GALNTL6: variants seen among roughly 807,000 people sequenced by gnomAD.
The protein encoded by GALNTL6 is polypeptide N-acetylgalactosaminyltransferase like 6.
A neutral mutation model predicts 73.7 loss-of-function variants in GALNTL6; 46 were observed. The ratio of observed to expected loss-of-function variants is 0.62; its 90% CI spans 0.49 to 0.80. GALNTL6 has a LOEUF of 0.80. GALNTL6 is among the 30% of genes least tolerant of loss of function. The probability of loss-of-function intolerance (pLI) is 0.00; values close to 1 mark genes in which losing one functional copy is unlikely to be tolerated. For synonymous variants in GALNTL6, 259 were observed against 263.7 expected, an observed-to-expected ratio of 0.98 and a Z score of 0.17; for missense variants, 604 against 755.0, an observed-to-expected ratio of 0.80 and a Z score of 2.34.
chr4:171,897,551 T>C (rs983340299), intron 2 of GALNTL6, among the ~76,000 whole-genome samples: 1 of 152,052 alleles, frequency 6.6e-6, no homozygotes, highest in Admixed American at 6.5e-5. Flanking sequence ...GGCTGGGCGC[T>C]GTGGCTCGCG....
intron 2 of GALNTL6, among the ~76,000 whole-genome samples, chr4:171,885,133 C>T (rs924098682): frequency 2.7e-4 from 41 of 151,862 alleles, no homozygotes; most frequent in Admixed American, 2.4e-3. Context: ...ATTTGGGGAC[C>T]CTTGTGTATA....
intron 5 of GALNTL6, among the ~76,000 whole-genome samples, chr4:172,639,994 C>A (rs1450761426): frequency 6.6e-6 from 1 of 152,082 alleles, no homozygotes; most frequent in Non-Finnish European, 1.5e-5. Context: ...ACTTTTCCCA[C>A]ATGTTACCAC....
intron 11 of GALNTL6, among the ~76,000 whole-genome samples, chr4:173,016,462 C>A (rs1180976311): frequency 6.6e-6 from 1 of 152,214 alleles, no homozygotes; most frequent in African/African-American, 2.4e-5. Flanking sequence ...CCACTTCTTG[C>A]ATCAGCATAA....
At chr4:172,136,701 T>C (rs1733646588) in intron 2 of GALNTL6, among the ~76,000 whole-genome samples, 1 of 151,794 alleles carries the variant, frequency 6.6e-6, no homozygotes. Context: ...TATGATCATA[T>C]AGAATACTTG....
intron 5 of GALNTL6, among the ~76,000 whole-genome samples, chr4:172,632,315 G>A (rs751413860): frequency 2.6e-5 from 4 of 152,170 alleles, no homozygotes; most frequent in Non-Finnish European, 5.9e-5. Context: ...GGGAACATGT[G>A]GGAAAGTTTG....
chr4:172,238,308 T>C (rs1737309654), intron 3 of GALNTL6, among the ~76,000 whole-genome samples: 1 of 152,184 alleles, frequency 6.6e-6, no homozygotes, highest in South Asian at 2.1e-4. Flanking sequence ...ATTTTAGAGA[T>C]CTTTCACCTC....
At chr4:172,920,724 T>C (rs1025484201) in intron 8 of GALNTL6, among the ~76,000 whole-genome samples, 1 of 152,206 alleles carries the variant, frequency 6.6e-6, no homozygotes, top group African/African-American at 2.4e-5. Flanking sequence ...ATCGTAGCTG[T>C]TATTTTTAAT....
intron 2 of GALNTL6, among the ~76,000 whole-genome samples, chr4:171,865,726 G>A (rs2110886252): frequency 6.6e-6 from 1 of 152,276 alleles, no homozygotes; most frequent in Non-Finnish European, 1.5e-5. Flanking sequence ...AATATTCTCA[G>A]GCTTTTGATG....
intron 5 of GALNTL6, among the ~76,000 whole-genome samples, chr4:172,780,838 C>T (rs1216610701): frequency 6.6e-6 from 1 of 152,154 alleles, no homozygotes; most frequent in Non-Finnish European, 1.5e-5. Context: ...CTGCTGACAC[C>T]TCTGGGCCCT....
At chr4:172,620,853 A>T (rs1351998110) in intron 5 of GALNTL6, among the ~76,000 whole-genome samples, 1 of 152,130 alleles carries the variant, frequency 6.6e-6, no homozygotes, top group Non-Finnish European at 1.5e-5. Flanking sequence ...TATTCCCCTT[A>T]TCTAAAGTCT....
intron 2 of GALNTL6, among the ~76,000 whole-genome samples, chr4:172,187,441 C>T (rs1287919417): frequency 6.6e-6 from 1 of 151,992 alleles, no homozygotes; most frequent in African/African-American, 2.4e-5. Context: ...ATCTAACTAC[C>T]CTCTCGAGAC....
chr4:173,021,197 C>A (rs903803739), intron 11 of GALNTL6, among the ~76,000 whole-genome samples: 1 of 152,312 alleles, frequency 6.6e-6, no homozygotes, highest in Non-Finnish European at 1.5e-5. Flanking sequence ...CCCCTCCCTG[C>A]ATCTCTTTTT....
At chr4:171,917,093 C>G (rs1383456255) in intron 2 of GALNTL6, among the ~76,000 whole-genome samples, 2 of 152,158 alleles carry the variant, frequency 1.3e-5, no homozygotes, top group Admixed American at 1.3e-4. Flanking sequence ...ATTTCTGGCT[C>G]AAACTTCCCA....
intron 2 of GALNTL6, among the ~76,000 whole-genome samples, chr4:172,114,990 T>C (rs1732949223): frequency 6.6e-6 from 1 of 152,108 alleles, no homozygotes; most frequent in Non-Finnish European, 1.5e-5. Flanking sequence ...GCCATTCCCA[T>C]CAACCTGTTT....
chr4:172,588,429 G>C (rs1251786639), intron 5 of GALNTL6, among the ~76,000 whole-genome samples: 1 of 151,174 alleles, frequency 6.6e-6, no homozygotes, highest in East Asian at 1.9e-4. Flanking sequence ...CCCTGTCTCA[G>C]CAAAAAATAC....
At chr4:172,779,615 TCCA>T (rs1739268325) in intron 5 of GALNTL6, among the ~76,000 whole-genome samples, 1 of 152,208 alleles carries the variant, frequency 6.6e-6, no homozygotes, top group African/African-American at 2.4e-5. Flanking sequence ...GTTCTTTGTT[TCCA>T]TCACTGAAGA....
Position 172,050,410 on chromosome 4 carries a change from T to C in GALNTL6, c.139-179246T>C, listed in dbSNP as rs183083341. ...TGTTTGGCCTAAGGTCATATTTAGA[T>C]TTAAAGTTCTTCTGATTTGCAGTTG... is the stretch of plus-strand genomic sequence containing the variant. On this transcript the variant is annotated intron_variant, in intron 2 of 12. Coordinates refer to ENST00000506823, the MANE Select transcript of GALNTL6 (RefSeq NM_001034845.3). Among the ~76,000 whole-genome samples the C allele has an allele frequency of 6.3e-3, 955 of 152,290 alleles. 9 individuals are homozygous for C. The highest frequency in any genetic ancestry group is 0.014 in the Middle Eastern group (4 of 292).
chr4:172,993,930 A>C (rs950672238), intron 10 of GALNTL6, among the ~76,000 whole-genome samples: 5 of 152,204 alleles, frequency 3.3e-5, no homozygotes, highest in Admixed American at 6.5e-5. Context: ...CTCAAAAACA[A>C]ACAAACAAAA....
chr4:172,065,882 AACTC>A (rs552535214), intron 2 of GALNTL6, among the ~76,000 whole-genome samples: 25 of 152,148 alleles, frequency 1.6e-4, no homozygotes, highest in Non-Finnish European at 3.2e-4. Flanking sequence ...ATCTGGTGAG[AACTC>A]ACTCACTATC....
Sources: allele counts gnomAD v4.1 joint callset (sites outside exome capture counted in the v4.1 genomes callset), GRCh38; gene constraint gnomAD v4.1.1; transcripts MANE v1.5; gene names NCBI Gene and HGNC (gene_info 2026-07-23, HGNC 2026-07-21).